PLAGL1: variants seen among roughly 807,000 people sequenced by gnomAD.
PLAGL1 encodes the protein zinc finger protein PLAGL1.
In PLAGL1, 1 loss-of-function variant was observed where a neutral mutation model predicts 4.6. The observed-to-expected ratio is 0.22, with a 90% confidence interval of 0.08 to 1.03. The LOEUF (loss-of-function observed/expected upper bound fraction) is 1.03. Among genes scored for constraint, PLAGL1 ranks in the 50% least tolerant of loss-of-function variants. The pLI, the probability that PLAGL1 is intolerant of heterozygous loss-of-function variation, is 0.58. For missense variants in PLAGL1, 464 were observed against 570.4 expected, an observed-to-expected ratio of 0.81 and a Z score of 1.90; for synonymous variants, 240 against 237.8, an observed-to-expected ratio of 1.01 and a Z score of -0.08.
rs955831356 is a variant in PLAGL1, at chr6:143,940,990, G to C, written c.*434C>G. ...AAAAGAAATACACAGCCTAGTCATA[G>C]TATATCATATAAAGGTTATTTTCTT... On this transcript the variant is annotated 3_prime_UTR_variant, in exon 8 of 8. Coordinates refer to ENST00000674357, the MANE Select transcript of PLAGL1 (RefSeq NM_001317162.2). The C allele has an allele frequency of 6.5e-6, 1 of 153,660 alleles. No homozygotes were observed. Among genetic ancestry groups the C allele is most frequent in the Admixed American group, 6.5e-5 (1 of 15,326 alleles). The allele number at this position is 153,660 out of a possible 1,614,324, so 9.5% of individuals were successfully genotyped here.
At position 143,979,707 on chromosome 6, in the gene PLAGL1, TTAA is replaced by T. The variant is rs1225286371; in HGVS notation, c.-544+5425_-544+5427del. Among the ~76,000 whole-genome samples, 2 of 152,054 alleles carry T rather than the reference TTAA, an allele frequency of 1.3e-5. No individual in the cohort carries two copies. The highest frequency in any genetic ancestry group is 2.9e-5 in the Non-Finnish European group (2 of 67,918). ...TGTTTAAACCATCTTTTAAAAAATA[TTAA>T]TAATAATCATCATCGTATGTATTTA... On this transcript the variant is annotated intron_variant, in intron 2 of 7. Transcript: ENST00000674357. This position sits in a 1 kb window ranked among gnomAD's most constrained non-coding sequence, Gnocchi z 4.6.
At chr6:144,062,492 A>C (rs975756290) in intron 1 of PLAGL1, among the ~76,000 whole-genome samples, 6 of 144,784 alleles carry the variant, frequency 4.1e-5, no homozygotes, top group South Asian at 2.2e-4. Context: ...AAAAAAAAAA[A>C]AAACACAGAT....
intron 1 of PLAGL1, among the ~76,000 whole-genome samples, chr6:144,019,961 C>G (rs574861651): frequency 2.0e-5 from 3 of 152,146 alleles, no homozygotes; most frequent in East Asian, 1.9e-4. Flanking sequence ...TATTTGTGTC[C>G]CCCTGCAAAT....
chr6:144,048,088 A>G lies in PLAGL1; in HGVS notation c.-151+16380T>C, dbSNP rs117907539. Among the ~76,000 whole-genome samples, 3,028 of 152,312 alleles carry G rather than the reference A, an allele frequency of 0.02. 26 individuals are homozygous for G. Among genetic ancestry groups the G allele is most frequent in the Middle Eastern group, 0.037 (11 of 294 alleles). ...CAAGGGGACAGTCATTAAATCTTAA[A>G]GCTCCAACATAATCTCCTTTTATTC... On this transcript the variant is annotated intron_variant, in intron 1 of 3. Coordinates refer to the PLAGL1 transcript ENST00000437412. The surrounding 1 kb of genome is among the most constrained non-coding windows in gnomAD (Gnocchi z 4.8).
rs2128542594 is a variant in PLAGL1 at position 143,955,591 on chromosome 6, G to A, written c.-325+4878C>T. On this transcript the variant is annotated intron_variant, in intron 6 of 7. Transcript: ENST00000674357. This position sits in a 1 kb window ranked among gnomAD's most constrained non-coding sequence, Gnocchi z 4.9. Reference sequence around the variant, plus strand: ...GGAAAGCCTCAGCCTGTGATTGTGAGCCTCAAAGGGCCACAGAAAACTGAC... The same window carrying A: ...GGAAAGCCTCAGCCTGTGATTGTGAACCTCAAAGGGCCACAGAAAACTGAC... Among the ~76,000 whole-genome samples, 1 of 152,154 alleles carries A rather than the reference G, an allele frequency of 6.6e-6. No homozygotes were observed. Among genetic ancestry groups the A allele is most frequent in the South Asian group, 2.1e-4 (1 of 4,814 alleles).
rs1785143760 is a variant in PLAGL1, at chr6:143,970,089, G to C, written c.-543-1111C>G. On this transcript the variant is annotated intron_variant, in intron 2 of 7. Transcript: ENST00000674357. The surrounding 1 kb of genome is among the most constrained non-coding windows in gnomAD (Gnocchi z 5.8). ...ACTGATTAGCAGTGCAATCCAATTGGATGAATACTTGAGCACCAACCCTAA... is the reference window on the plus strand; with the variant it reads ...ACTGATTAGCAGTGCAATCCAATTGCATGAATACTTGAGCACCAACCCTAA... Among the ~76,000 whole-genome samples, 1 of 152,184 alleles carries C rather than the reference G, an allele frequency of 6.6e-6. No individual in the cohort carries two copies. The highest frequency in any genetic ancestry group is 2.4e-5 in the African/African-American group (1 of 41,438).
intron 1 of PLAGL1, among the ~76,000 whole-genome samples, chr6:143,988,736 T>A (rs1789747081): frequency 6.6e-6 from 1 of 152,146 alleles, no homozygotes; most frequent in Non-Finnish European, 1.5e-5. Flanking sequence ...GTGAGGAACC[T>A]CCTCCAACTG....
rs1245103751 is a variant in PLAGL1, at chr6:144,048,774, T to A, written c.-151+15694A>T. 6.6e-6 allele frequency among the ~76,000 whole-genome samples: 1 copy of A among 152,220 alleles called. No individual in the cohort carries two copies. The highest frequency in any genetic ancestry group is 1.5e-5 in the Non-Finnish European group (1 of 68,042). On this transcript the variant is annotated intron_variant, in intron 1 of 3. Transcript: ENST00000437412. The surrounding 1 kb of genome is among the most constrained non-coding windows in gnomAD (Gnocchi z 4.8). ...ATGCCCTGAAATGTTTTCCCCATCA[T>A]CTTGGCTATTAATATGTGGCTCCTC...
At position 143,945,107 on chromosome 6, in the gene PLAGL1, T is replaced by C. The variant is rs1779480424; in HGVS notation, c.153-2444A>G. 6.6e-6 allele frequency among the ~76,000 whole-genome samples: 1 copy of C among 152,216 alleles called. No homozygotes were observed. The highest frequency in any genetic ancestry group is 1.5e-5 in the Non-Finnish European group (1 of 68,042). On this transcript the variant is annotated intron_variant, in intron 7 of 7. Transcript: ENST00000674357. The surrounding 1 kb of genome is among the most constrained non-coding windows in gnomAD (Gnocchi z 4.2). ...CTTTCCCTTGCCTGGCATCTACTTC[T>C]TTCCCTTTTAATTTATCCCTTACTT...
At chr6:143,969,818 T>C (rs1233329176) in intron 2 of PLAGL1, among the ~76,000 whole-genome samples, 1 of 151,980 alleles carries the variant, frequency 6.6e-6, no homozygotes, top group African/African-American at 2.4e-5. Context: ...AATTTTTTTT[T>C]TTTAAAGTCA....
intron 1 of PLAGL1, among the ~76,000 whole-genome samples, chr6:144,002,312 A>T (rs988306467): frequency 6.6e-6 from 1 of 152,202 alleles, no homozygotes; most frequent in Admixed American, 6.5e-5. Context: ...AAGTACAGTA[A>T]ACATCACCCT....
intron 1 of PLAGL1, among the ~76,000 whole-genome samples, chr6:143,988,356 A>G (rs1408640767): frequency 6.6e-6 from 1 of 152,252 alleles, no homozygotes; most frequent in Non-Finnish European, 1.5e-5. Context: ...TACAAATAAT[A>G]GCCATGCACG....
chr6:144,011,485 C>T (rs892055433), upstream of PLAGL1, among the ~76,000 whole-genome samples: 2 of 152,078 alleles, frequency 1.3e-5, no homozygotes, highest in Non-Finnish European at 1.5e-5. This position sits in a 1 kb window ranked among gnomAD's most constrained non-coding sequence, Gnocchi z 4.3. Flanking sequence ...CATTAATATA[C>T]CCTTTAGTAT....
chr6:144,035,161 A>T (rs1797126111), intron 1 of PLAGL1, among the ~76,000 whole-genome samples: 1 of 152,182 alleles, frequency 6.6e-6, no homozygotes, highest in Admixed American at 6.5e-5. Context: ...TATATATGAG[A>T]GGGAGTTTAT....
chr6:143,977,620 A>G (rs540726250), intron 2 of PLAGL1, among the ~76,000 whole-genome samples: 14 of 151,466 alleles, frequency 9.2e-5, no homozygotes, highest in South Asian at 6.3e-4. Context: ...CTACAGGTAT[A>G]GTCTGTATAC....
chr6:143,986,075 T>C (rs1027756277), intron 1 of PLAGL1, among the ~76,000 whole-genome samples: 3 of 147,616 alleles, frequency 2.0e-5, no homozygotes, highest in African/African-American at 5.0e-5. Flanking sequence ...CAGGAGAAAA[T>C]TGAGGCACCA....
In PLAGL1 at chr6:143,985,020, CA is replaced by C. The variant is rs1788708085; in HGVS notation, c.-544+114del. The C allele has an allele frequency of 1.3e-5, 2 of 152,072 alleles. No homozygotes were observed. Among genetic ancestry groups the C allele is most frequent in the South Asian group, 2.1e-4 (1 of 4,824 alleles). 9.4% of individuals were successfully genotyped at this position (152,072 alleles called of 1,614,324 possible). On this transcript the variant is annotated intron_variant, in intron 2 of 7. Coordinates refer to ENST00000674357, the MANE Select transcript of PLAGL1 (RefSeq NM_001317162.2). This position sits in a 1 kb window ranked among gnomAD's most constrained non-coding sequence, Gnocchi z 4.4. ...TTAAAATAATTTAAGAACCAAATAA[CA>C]AAAAAGTTTTGCTCCAATTTTTGCT...
In PLAGL1 at chr6:143,949,805, T is replaced by C. The variant is rs1780633838; in HGVS notation, c.-324-1345A>G. Among the ~76,000 whole-genome samples the C allele has an allele frequency of 6.6e-6, 1 of 152,224 alleles. No individual in the cohort carries two copies. The highest frequency in any genetic ancestry group is 2.4e-5 in the African/African-American group (1 of 41,456). Reference sequence around the variant, plus strand: ...TTAAAGCCCTCCCTGCTCCTTGCAGTCATTTATTGCCATGTCTCTAGAGTT... The same window carrying C: ...TTAAAGCCCTCCCTGCTCCTTGCAGCCATTTATTGCCATGTCTCTAGAGTT... On this transcript the variant is annotated intron_variant, in intron 6 of 7. Coordinates refer to ENST00000674357, the MANE Select transcript of PLAGL1 (RefSeq NM_001317162.2). The surrounding 1 kb of genome is among the most constrained non-coding windows in gnomAD (Gnocchi z 5.3).
intron 1 of PLAGL1, among the ~76,000 whole-genome samples, chr6:144,028,143 T>C (rs1042205970): frequency 3.9e-5 from 6 of 152,264 alleles, no homozygotes; most frequent in Non-Finnish European, 5.9e-5. Flanking sequence ...TGTATGCAGT[T>C]ATTATATAAG....
Sources: allele counts gnomAD v4.1 joint callset (sites outside exome capture counted in the v4.1 genomes callset), GRCh38; gene constraint gnomAD v4.1.1; non-coding constraint Gnocchi (gnomAD v3.1); transcripts MANE v1.5; gene names NCBI Gene and HGNC (gene_info 2026-07-23, HGNC 2026-07-21).